PTPN7: variants seen among roughly 807,000 people sequenced by gnomAD.
PTPN7 encodes protein tyrosine phosphatase non-receptor type 7, also known as tyrosine-protein phosphatase non-receptor type 7.
Under a neutral mutation model 50.3 loss-of-function variants are expected in PTPN7, and 33 were observed. The ratio of observed to expected loss-of-function variants is 0.66; its 90% CI spans 0.50 to 0.88. The LOEUF (loss-of-function observed/expected upper bound fraction) is 0.88, where lower values mean the gene tolerates loss of function less well. Among genes scored for constraint, PTPN7 ranks in the 40% least tolerant of loss-of-function variants. The probability of loss-of-function intolerance (pLI) is 0.00; values close to 1 mark genes in which losing one functional copy is unlikely to be tolerated. For missense variants in PTPN7, 412 were observed against 475.4 expected (o/e 0.87, Z 1.24); for synonymous variants, 185 against 186.6 (o/e 0.99, Z 0.07).
intron 5 of PTPN7, among the ~76,000 whole-genome samples, 176 bp downstream of exon 5, chr1:202,155,357 G>C (rs1656536534): frequency 6.6e-6 from 1 of 152,130 alleles, no homozygotes; most frequent in African/African-American, 2.4e-5. Context: ...TTTTTAGGTT[G>C]GTGTTTTGGG....
In PTPN7 at chr1:202,159,179, C is replaced by T; in HGVS notation, c.122+102G>A. The T allele has an allele frequency of 8.2e-7, 1 of 1,219,106 alleles. No individual in the cohort carries two copies. The highest frequency in any genetic ancestry group is 1.2e-6 in the Non-Finnish European group (1 of 842,868). The allele number at this position is 1,219,106 out of a possible 1,614,324, so 75.5% of individuals were successfully genotyped here. A position where few individuals can be genotyped will look rare whatever the true frequency, so the allele number is the denominator to read the frequency against. ...AAATTGGAGTCAACAACTGAGGGCCCTCTGGACCCTGCTGTCAGAGCTGGA... is the reference window on the plus strand; with the variant it reads ...AAATTGGAGTCAACAACTGAGGGCCTTCTGGACCCTGCTGTCAGAGCTGGA... On this transcript the variant is annotated intron_variant, in intron 2 of 9. Coordinates refer to ENST00000691036, the MANE Select transcript of PTPN7 (RefSeq NM_002832.4). The surrounding 1 kb of genome is among the most constrained non-coding windows in gnomAD (Gnocchi z 4.6).
Position 202,159,012 on chromosome 1 carries a change from C to T in PTPN7, c.122+269G>A, listed in dbSNP as rs1657015747. ...CTGCCTCTTCCCACTCCCAGCCAGG[C>T]CCTGTGGCTCCGACATGCATCCAGC... On this transcript the variant is annotated intron_variant, in intron 2 of 9. Coordinates refer to ENST00000691036, the MANE Select transcript of PTPN7 (RefSeq NM_002832.4). This position sits in a 1 kb window ranked among gnomAD's most constrained non-coding sequence, Gnocchi z 4.6. 4.2e-6 allele frequency: 2 copies of T among 474,826 alleles called. No homozygotes were observed. Among genetic ancestry groups the T allele is most frequent in the Non-Finnish European group, 7.7e-6 (2 of 261,064 alleles). 29.4% of individuals were successfully genotyped at this position (474,826 alleles called of 1,614,324 possible). A position where few individuals can be genotyped will look rare whatever the true frequency, so the allele number is the denominator to read the frequency against.
chr1:202,154,139 G>A, intron 6 of PTPN7, 47 bp downstream of exon 6: 5 of 1,541,760 alleles, frequency 3.2e-6, no homozygotes, highest in African/African-American at 2.7e-5. Flanking sequence ...GGTGGGGTGG[G>A]CATAGCACTT....
intron 5 of PTPN7, among the ~76,000 whole-genome samples, chr1:202,154,890 A>G (rs1362631319): frequency 6.6e-6 from 1 of 152,210 alleles, no homozygotes; most frequent in Non-Finnish European, 1.5e-5. Context: ...TGAAATCCAG[A>G]CTGCAGTTGA....
chr1:202,150,447 C>A (rs377473037), intron 8 of PTPN7, 23 bp from the exon 9 acceptor site: 130 of 1,576,784 alleles, frequency 8.2e-5, no homozygotes, highest in Non-Finnish European at 1.1e-4. Context: ...AGGGAGGGGA[C>A]AGGGAGGTCA....
chr1:202,153,387 G>T (rs902436970), intron 7 of PTPN7, among the ~76,000 whole-genome samples: 1 of 151,566 alleles, frequency 6.6e-6, no homozygotes, highest in East Asian at 1.9e-4. Flanking sequence ...GCCTCCCAAA[G>T]TGTTGGGATT....
chr1:202,156,344 A>G (rs558720225), intron 4 of PTPN7, among the ~76,000 whole-genome samples: 7 of 152,220 alleles, frequency 4.6e-5, no homozygotes, highest in Non-Finnish European at 7.3e-5. Context: ...GATGTAGAGG[A>G]AGAAGAATTT....
rs1178237661 is a variant in PTPN7, at chr1:202,160,546, G to A, written c.-54C>T. 15 of 1,546,956 alleles carry A rather than the reference G, an allele frequency of 9.7e-6. No homozygotes were observed. The Admixed American group carries it at 2.9e-4, about 30-fold the overall frequency. On this transcript the variant is annotated splice_region_variant and 5_prime_UTR_variant, in exon 1 of 10. Coordinates refer to ENST00000691036, the MANE Select transcript of PTPN7 (RefSeq NM_002832.4). The surrounding 1 kb of genome is among the most constrained non-coding windows in gnomAD (Gnocchi z 4.8). ...CCAGTCCCCCCTTCAGATACTTACT[G>A]AAGCAGCTGTGGCCCCCAGGCTGCC...
intron 4 of PTPN7, among the ~76,000 whole-genome samples, chr1:202,157,208 G>C (rs550974682): frequency 6.6e-6 from 1 of 152,208 alleles, no homozygotes; most frequent in Non-Finnish European, 1.5e-5. Flanking sequence ...TGTGAGAAAT[G>C]AGTGAATATA....
At chr1:202,161,424 T>C, upstream of PTPN7, 1 of 1,287,722 alleles carries the variant, frequency 7.8e-7, no homozygotes. Flanking sequence ...ACCAGGGGAC[T>C]CCCATGTCCT....
At position 202,150,433 on chromosome 1, in the gene PTPN7, AGCCAGGGAGGG is replaced by A; in HGVS notation, c.876-20_876-10del. 1 of 1,599,396 alleles carries A rather than the reference AGCCAGGGAGGG, an allele frequency of 6.3e-7. No homozygotes were observed. Among genetic ancestry groups the A allele is most frequent in the South Asian group, 1.1e-5 (1 of 89,378 alleles). On this transcript the variant is annotated splice_polypyrimidine_tract_variant and intron_variant, in intron 8 of 9. Transcript: ENST00000691036. ...TCCGGCCAATCCCTGCACTGGAGAT[AGCCAGGGAGGG>A]GACAGGGAGGTCATGGGAGACCAGG...
Position 202,159,246 on chromosome 1 carries a change from G to C in PTPN7, c.122+35C>G. 6.3e-7 allele frequency: 1 copy of C among 1,599,596 alleles called. No homozygotes were observed. Among genetic ancestry groups the C allele is most frequent in the Non-Finnish European group, 8.6e-7 (1 of 1,168,212 alleles). On this transcript the variant is annotated intron_variant, in intron 2 of 9. Coordinates refer to ENST00000691036, the MANE Select transcript of PTPN7 (RefSeq NM_002832.4). This position sits in a 1 kb window ranked among gnomAD's most constrained non-coding sequence, Gnocchi z 4.6. The stretch of plus-strand genomic sequence containing the variant: ...AGGGAGGAGCGGAATGGGGGCTCAG[G>C]GCTCGGAAGACCCCTCCCCCAGGGA...
intron 9 of PTPN7, 42 bp downstream of exon 9, chr1:202,150,269 A>C (rs1483070761): frequency 4.0e-6 from 6 of 1,499,854 alleles, no homozygotes; most frequent in Non-Finnish European, 5.5e-6. Flanking sequence ...CACTGATGCC[A>C]TCCGTTAACG....
chr1:202,158,174 G>C lies in PTPN7; in HGVS notation c.250C>G (p.Arg84Gly), dbSNP rs369599628. The C allele has an allele frequency of 1.2e-6, 2 of 1,611,762 alleles. No homozygotes were observed. The highest frequency in any genetic ancestry group is 1.7e-6 in the Non-Finnish European group (2 of 1,179,188). ...FLRTAGHPLT[R>G]WALQRQPPSP... ...GGTGGCTGGCGCTGAAGGGCCCAGC[G>C]GGTAAGGGGGTGTCCAGCAGTGCGC... The change falls in exon 3 of 10, where the codon CGC (arginine) becomes GGC (glycine). Residue 84 changes from arginine (R) to glycine (G), a missense_variant. Arg to Gly is a moderately radical substitution (Grantham distance 125). Transcript: ENST00000691036.
In PTPN7 at chr1:202,154,192, G is replaced by A; in HGVS notation, c.600C>T (p.Gly200=). The change falls in exon 6 of 10, where the codon GGC becomes GGT. Residue 200 remains glycine, a synonymous_variant. Transcript: ENST00000691036. ...LIVMLTQLRE[G]KEKCVHYWPT... is the part of the protein sequence containing the mutation. ...CTGTGGCTCTGCCTCCTACCTCCTT[G>A]CCCTCTCGGAGCTGAGTGAGCATGA... is the stretch of plus-strand genomic sequence containing the variant. The A allele has an allele frequency of 6.2e-7, 1 of 1,614,040 alleles. No homozygotes were observed. The highest frequency in any genetic ancestry group is 1.1e-5 in the South Asian group (1 of 91,074).
In PTPN7 at chr1:202,159,418, T is replaced by C. The variant is rs779489368; in HGVS notation, c.-16A>G. ...CTTGGACCATGCTGAGGTGGGGTGCTGGGCCCAGGGGAGGCTCACTCAGCC... is the reference window on the plus strand; with the variant it reads ...CTTGGACCATGCTGAGGTGGGGTGCCGGGCCCAGGGGAGGCTCACTCAGCC... On this transcript the variant is annotated 5_prime_UTR_variant, in exon 2 of 10. Coordinates refer to ENST00000691036, the MANE Select transcript of PTPN7 (RefSeq NM_002832.4). The surrounding 1 kb of genome is among the most constrained non-coding windows in gnomAD (Gnocchi z 4.6). 1.2e-6 allele frequency: 2 copies of C among 1,614,128 alleles called. No homozygotes were observed. Among genetic ancestry groups the C allele is most frequent in the South Asian group, 2.2e-5 (2 of 91,082 alleles).
At chr1:202,161,564 C>A (rs778810712), upstream of PTPN7, 5 of 1,282,398 alleles carry the variant, frequency 3.9e-6, no homozygotes, top group East Asian at 2.8e-4. Context: ...GGTTCATGCT[C>A]GCTGCACGCC....
chr1:202,157,512 A>C (rs533672923), intron 4 of PTPN7, among the ~76,000 whole-genome samples: 42 of 137,764 alleles, frequency 3.0e-4, no homozygotes, highest in Middle Eastern at 3.5e-3. Flanking sequence ...CTCCGTCTTA[A>C]AAAAAAAAAA....
Position 202,158,099 on chromosome 1 carries a change from G to A in PTPN7, c.306+19C>T, listed in dbSNP as rs769732504. On this transcript the variant is annotated intron_variant, in intron 3 of 9. Coordinates refer to ENST00000691036, the MANE Select transcript of PTPN7 (RefSeq NM_002832.4). ...GATACAGAGGGCAGAGCGATTCAGA[G>A]GGGACCCCAATTTCTTACCAAGAAT... The A allele has an allele frequency of 6.4e-7, 1 of 1,573,040 alleles. No individual in the cohort carries two copies. Among genetic ancestry groups the A allele is most frequent in the Non-Finnish European group, 8.6e-7 (1 of 1,160,718 alleles).
Sources: gnomAD v4.1 joint callset for allele counts (sites outside exome capture counted in the v4.1 genomes callset) on GRCh38, gnomAD v4.1.1 for gene constraint, Gnocchi (gnomAD v3.1) non-coding constraint, MANE v1.5 for transcripts, NCBI Gene and HGNC (gene_info 2026-07-23, HGNC 2026-07-21) for gene names.